Variants in PRKG1 observed in about 807,000 individuals in gnomAD.
PRKG1 encodes the protein protein kinase cGMP-dependent 1.
A neutral mutation model predicts 88.1 loss-of-function variants in PRKG1; 35 were observed. The observed-to-expected ratio is 0.40, with a 90% CI of 0.30 to 0.53. PRKG1 has a LOEUF of 0.53. Among genes scored for constraint, PRKG1 ranks in the 20% least tolerant of loss-of-function variants. The probability of loss-of-function intolerance (pLI) is 0.59; values close to 1 mark genes in which losing one functional copy is unlikely to be tolerated. For synonymous variants in PRKG1, 303 were observed against 292.5 expected (o/e 1.04, Z -0.37); for missense variants, 540 against 839.8 (o/e 0.64, Z 4.41).
At chr10:51,130,529 C>A (rs1015175038) in intron 1 of PRKG1, among the ~76,000 whole-genome samples, 1 of 152,124 alleles carries the variant, frequency 6.6e-6, no homozygotes, top group African/African-American at 2.4e-5. Flanking sequence ...TATTTTATAT[C>A]CTGTATCTTT....
intron 3 of PRKG1, among the ~76,000 whole-genome samples, chr10:51,683,318 T>TCAAAA (rs201618594): frequency 0.22 from 32,852 of 150,834 alleles, 3,623 homozygotes; most frequent in Non-Finnish European, 0.23. Flanking sequence ...AGGCTCTGTC[T>TCAAAA]CAAAACAAAA....
At chr10:52,007,399 C>T (rs1844765750) in intron 5 of PRKG1, among the ~76,000 whole-genome samples, 1 of 152,122 alleles carries the variant, frequency 6.6e-6, no homozygotes, top group Non-Finnish European at 1.5e-5. Flanking sequence ...TATACAATAA[C>T]ATTCTTAGGC....
chr10:51,205,136 T>TC (rs1838019615), intron 2 of PRKG1, among the ~76,000 whole-genome samples: 1 of 95,484 alleles, frequency 1.0e-5, no homozygotes, highest in Non-Finnish European at 2.0e-5. Flanking sequence ...TCTTTTTTTT[T>TC]TTTTTTTTTT....
At chr10:51,533,408 A>G (rs1437553065) in intron 3 of PRKG1, among the ~76,000 whole-genome samples, 1 of 152,204 alleles carries the variant, frequency 6.6e-6, no homozygotes, top group Non-Finnish European at 1.5e-5. Flanking sequence ...ATAAAACTAG[A>G]GGTAGTACTG....
chr10:52,116,241 T>A (rs956167051), intron 7 of PRKG1, among the ~76,000 whole-genome samples: 1 of 152,130 alleles, frequency 6.6e-6, no homozygotes. Context: ...TTAGGCCAAA[T>A]TTAAATTAAC....
chr10:51,818,768 G>A (rs1485364109), intron 4 of PRKG1, among the ~76,000 whole-genome samples: 1 of 99,120 alleles, frequency 1.0e-5, no homozygotes, highest in Non-Finnish European at 1.8e-5. Flanking sequence ...AGCACTTTGG[G>A]AGGCCGAGGC....
At chr10:51,000,747 T>C (rs1842880950) in intron 1 of PRKG1, among the ~76,000 whole-genome samples, 1 of 152,226 alleles carries the variant, frequency 6.6e-6, no homozygotes. Context: ...TCATAGATTT[T>C]TTTTTTTAAG....
intron 1 of PRKG1, among the ~76,000 whole-genome samples, chr10:51,056,832 T>C (rs1808455219): frequency 6.6e-6 from 1 of 152,210 alleles, no homozygotes; most frequent in African/African-American, 2.4e-5. Context: ...CCATGTCTGC[T>C]TTCCCTACAT....
At chr10:51,148,713 C>A (rs1029383398) in intron 1 of PRKG1, among the ~76,000 whole-genome samples, 4 of 152,060 alleles carry the variant, frequency 2.6e-5, no homozygotes, top group African/African-American at 9.7e-5. Flanking sequence ...TAAATGTAAG[C>A]TTTATGAGAC....
chr10:51,827,338 TG>T (rs1564663872), intron 4 of PRKG1, among the ~76,000 whole-genome samples: 1 of 152,174 alleles, frequency 6.6e-6, no homozygotes, highest in South Asian at 2.1e-4. Context: ...ATAATTAAAC[TG>T]AAAATAATAT....
intron 2 of PRKG1, among the ~76,000 whole-genome samples, chr10:51,296,559 G>T (rs1386759889): frequency 2.6e-5 from 4 of 151,786 alleles, no homozygotes; most frequent in African/African-American, 9.7e-5. Context: ...ATTTATTTGA[G>T]TCTTCTCCAT....
intron 2 of PRKG1, among the ~76,000 whole-genome samples, chr10:51,397,876 C>T (rs190629823): frequency 2.6e-5 from 4 of 152,158 alleles, no homozygotes; most frequent in African/African-American, 4.8e-5. Flanking sequence ...TTTTCCTCCT[C>T]GAAGGCAGAA....
chr10:51,637,042 T>C (rs1839673500), intron 3 of PRKG1, among the ~76,000 whole-genome samples: 1 of 152,148 alleles, frequency 6.6e-6, no homozygotes, highest in Non-Finnish European at 1.5e-5. Flanking sequence ...TTTTGAGGCT[T>C]TTCTTCTAAA....
intron 5 of PRKG1, chr10:51,909,576 A>G (rs1483247352): frequency 6.6e-6 from 1 of 151,906 alleles, no homozygotes; most frequent in Non-Finnish European, 1.5e-5. Context: ...AGTGGTCTGT[A>G]TCAGAAAAGG....
At chr10:50,995,746 A>G (rs559485089) in intron 1 of PRKG1, among the ~76,000 whole-genome samples, 1 of 152,328 alleles carries the variant, frequency 6.6e-6, no homozygotes, top group African/African-American at 2.4e-5. Flanking sequence ...CAATTTTTTA[A>G]TGAGTTTAAG....
At chr10:51,153,563 T>A (rs888484779) in intron 2 of PRKG1, among the ~76,000 whole-genome samples, 5 of 152,014 alleles carry the variant, frequency 3.3e-5, no homozygotes, top group African/African-American at 4.8e-5. Context: ...CATGGAAAAG[T>A]TAAAAATGTG....
chr10:51,611,618 GA>G (rs1211920882), intron 3 of PRKG1, among the ~76,000 whole-genome samples: 1 of 151,220 alleles, frequency 6.6e-6, no homozygotes, highest in Admixed American at 6.6e-5. Context: ...TTGCTGTGCA[GA>G]AGCCTTTAAT....
At chr10:52,089,931 C>T (rs530560233) in intron 7 of PRKG1, among the ~76,000 whole-genome samples, 1 of 146,630 alleles carries the variant, frequency 6.8e-6, no homozygotes, top group African/African-American at 2.5e-5. Context: ...TCTCCTGCTT[C>T]AGCCTCCCGA....
At position 51,037,885 on chromosome 10, in the gene PRKG1, T is replaced by C. The variant is rs557927011; in HGVS notation, c.266+46241T>C. On this transcript the variant is annotated intron_variant, in intron 1 of 17. Coordinates refer to the PRKG1 transcript ENST00000401604. ...CAATTAATTACATGGCCTCACACTT[T>C]TTAAATTTAGTAGGAGTGTCCTTCT... 1.4e-3 allele frequency among the ~76,000 whole-genome samples: 215 copies of C among 152,370 alleles called. 1 individual carries two copies. Among genetic ancestry groups the C allele is most frequent in the African/African-American group, 4.5e-3 (187 of 41,594 alleles).
Sources: gnomAD v4.1 joint callset for allele counts (sites outside exome capture counted in the v4.1 genomes callset) on GRCh38, gnomAD v4.1.1 for gene constraint, MANE v1.5 for transcripts, NCBI Gene and HGNC (gene_info 2026-07-23, HGNC 2026-07-21) for gene names.